The following MPHOSPH9 variants were observed in gnomAD, a reference collection of about 807,000 sequenced individuals.
MPHOSPH9 encodes M-phase phosphoprotein 9.
A neutral mutation model predicts 145.5 loss-of-function variants in MPHOSPH9; 88 were observed. That is an observed-to-expected ratio of 0.60 (90% CI 0.51 to 0.72). The LOEUF is 0.72. Ranked by LOEUF, MPHOSPH9 falls within the 30% of genes least tolerant of loss-of-function variation. The pLI is 0.00. For synonymous variants in MPHOSPH9, 435 were observed against 486.2 expected (o/e 0.89, Z 1.39); for missense variants, 1,238 against 1,386.6 (o/e 0.89, Z 1.70).
chr12:123,200,895 G>A (rs1281051114), intron 11 of MPHOSPH9, among the ~76,000 whole-genome samples: 1 of 152,008 alleles, frequency 6.6e-6, no homozygotes, highest in Non-Finnish European at 1.5e-5. Flanking sequence ...CTAACCTCTA[G>A]TGATCTGCCT....
chr12:123,156,730 AAT>A lies in MPHOSPH9; in HGVS notation c.*75_*76del. ...GTTTGAAGGCTTATAAACAGTACAAAATAGTTTGCCTTTTCTGACTGCATAAT... is the reference window on the plus strand; with the variant it reads ...GTTTGAAGGCTTATAAACAGTACAAAAGTTTGCCTTTTCTGACTGCATAAT... On this transcript the variant is annotated 3_prime_UTR_variant, in exon 24 of 24. Transcript: ENST00000606320. The A allele has an allele frequency of 8.8e-7, 1 of 1,137,388 alleles. No homozygotes were observed. Among genetic ancestry groups the A allele is most frequent in the East Asian group, 2.4e-5 (1 of 41,392 alleles). The allele number at this position is 1,137,388 out of a possible 1,614,324, so 70.5% of individuals were successfully genotyped here.
At position 123,202,710 on chromosome 12, in the gene MPHOSPH9, G is replaced by A. The variant is rs1468571971; in HGVS notation, c.1695C>T (p.Val565=). The change falls in exon 10 of 24, where the codon GTC becomes GTT. Residue 565 remains valine (V), a synonymous_variant. Coordinates refer to ENST00000606320, the MANE Select transcript of MPHOSPH9 (RefSeq NM_022782.4). ...CTGTACCTGGAAGCTGGGACTGACT[G>A]ACTGAGGCCGAAGCAACCATGACAG... ...ENTVMVASAS[V]SQSQLPGTAN... 1 of 1,614,198 alleles carries A rather than the reference G, an allele frequency of 6.2e-7. No individual in the cohort carries two copies. Among genetic ancestry groups the A allele is most frequent in the South Asian group, 1.1e-5 (1 of 91,078 alleles).
At chr12:123,152,694 T>C (rs1232482138), downstream of MPHOSPH9, 9 of 415,942 alleles carry the variant, frequency 2.2e-5, no homozygotes, top group African/African-American at 4.1e-5. Flanking sequence ...ACTGGGGTAG[T>C]AGTTTATTAT....
intron 19 of MPHOSPH9, 118 bp from the exon 20 acceptor site, chr12:123,163,252 TGA>T: frequency 8.8e-7 from 1 of 1,136,398 alleles, no homozygotes; most frequent in African/African-American, 1.6e-5. Context: ...CGTAAAACTT[TGA>T]GAGAGAAATA....
chr12:123,228,199 G>A (rs1306272656), intron 2 of MPHOSPH9, among the ~76,000 whole-genome samples: 1 of 151,974 alleles, frequency 6.6e-6, no homozygotes, highest in Admixed American at 6.6e-5. Context: ...CAAACTTCAG[G>A]TAAGTTATTT....
chr12:123,241,148 T>TG (rs575565493), intron 1 of MPHOSPH9, among the ~76,000 whole-genome samples: 2 of 43,276 alleles, frequency 4.6e-5, no homozygotes, highest in East Asian at 4.3e-4. Context: ...GTTGTTTTTT[T>TG]TTTGTTTTTG....
chr12:123,163,824 C>A, intron 19 of MPHOSPH9, 126 bp downstream of exon 19: 1 of 1,096,864 alleles, frequency 9.1e-7, no homozygotes, highest in South Asian at 1.6e-5. Flanking sequence ...GGGTCCTCTG[C>A]TCAGAGTACT....
intron 13 of MPHOSPH9, among the ~76,000 whole-genome samples, chr12:123,182,765 T>C (rs1214727897): frequency 7.2e-6 from 1 of 138,846 alleles, no homozygotes; most frequent in Non-Finnish European, 1.5e-5. Context: ...TACAAAAAAA[T>C]TAGCTGGGTG....
At chr12:123,166,580 A>C in intron 17 of MPHOSPH9, 75 bp downstream of exon 17, 2 of 1,547,246 alleles carry the variant, frequency 1.3e-6, no homozygotes, top group South Asian at 1.2e-5. Context: ...AGGGCTTCCC[A>C]AACTTTTAAA....
intron 11 of MPHOSPH9, among the ~76,000 whole-genome samples, chr12:123,198,779 C>T (rs1188802658): frequency 7.6e-6 from 1 of 132,206 alleles, no homozygotes; most frequent in African/African-American, 3.1e-5. Context: ...CACTGCACTC[C>T]AGCCTGAGTG....
chr12:123,219,132 T>C (rs2047092451), intron 5 of MPHOSPH9, among the ~76,000 whole-genome samples: 1 of 151,832 alleles, frequency 6.6e-6, no homozygotes, highest in African/African-American at 2.4e-5. Flanking sequence ...CTCGAACTCC[T>C]GGGCTCAAGT....
In MPHOSPH9 at chr12:123,176,707, C is replaced by A. The variant is rs150918445; in HGVS notation, c.2437G>T (p.Val813Leu). The A allele has an allele frequency of 1.9e-6, 3 of 1,613,456 alleles. No homozygotes were observed. In the African/African-American group the frequency reaches 4.0e-5, roughly 22 times the overall value. ...LSLRHNSRIH[V>L]RPSRANTLAT... ...ACTTACTTGGCACGCGAGGGTCTCA[C>A]GTGAATTCTAGAATTATGACGAAGG... Residue 813 changes from valine to leucine, a missense_variant, in exon 16 of 24, where the codon GTG (valine) becomes TTG (leucine). By Grantham distance (32) the Val-to-Leu change is conservative (BLOSUM62 1). Around this residue, in one of 3 missense-constraint regions of MPHOSPH9, gnomAD observed 393 missense variants for 462.5 expected, o/e 0.85. Coordinates refer to ENST00000606320, the MANE Select transcript of MPHOSPH9 (RefSeq NM_022782.4).
Position 123,194,544 on chromosome 12 carries a change from G to T in MPHOSPH9, c.2083C>A (p.Arg695=). The part of the protein sequence containing the change: ...ASSASKILQE[R]IEEMRTSSKE... ...CTGCTTGTTCTCATTTCTTCAATTC[G>T]TTCCTGCAAAATTTTGGAAGCACTG... The change falls in exon 13 of 24, where the codon CGA becomes AGA. Residue 695 remains arginine, a synonymous_variant. Transcript: ENST00000606320. The T allele has an allele frequency of 6.2e-7, 1 of 1,612,014 alleles. No homozygotes were observed.
intron 11 of MPHOSPH9, among the ~76,000 whole-genome samples, chr12:123,200,022 G>A (rs2046151720): frequency 1.3e-5 from 2 of 152,090 alleles, no homozygotes; most frequent in Non-Finnish European, 2.9e-5. Flanking sequence ...AAATAATCAA[G>A]TGTGTGTTAA....
chr12:123,226,424 A>G, intron 3 of MPHOSPH9: 1 of 539,810 alleles, frequency 1.9e-6, no homozygotes, highest in Non-Finnish European at 2.6e-6. Context: ...CTTTCTAAGA[A>G]TTAATAATGG....
intron 6 of MPHOSPH9, among the ~76,000 whole-genome samples, chr12:123,216,810 G>A (rs578173251): frequency 2.7e-4 from 41 of 152,080 alleles, no homozygotes; most frequent in African/African-American, 9.2e-4. Flanking sequence ...CCAACATGGC[G>A]AGACCCCATC....
chr12:123,165,004 T>C (rs1294422302), intron 18 of MPHOSPH9, among the ~76,000 whole-genome samples: 1 of 103,382 alleles, frequency 9.7e-6, no homozygotes, highest in Non-Finnish European at 1.8e-5. Flanking sequence ...TGAGACTCTG[T>C]CTCACTGTCT....
chr12:123,152,497 C>T (rs1350633089), downstream of MPHOSPH9: 3 of 448,856 alleles, frequency 6.7e-6, no homozygotes, highest in Non-Finnish European at 9.0e-6. Flanking sequence ...CTCACATTAT[C>T]GGTCACTGTT....
chr12:123,199,823 T>G (rs1294799708), intron 11 of MPHOSPH9, among the ~76,000 whole-genome samples: 3 of 151,630 alleles, frequency 2.0e-5, no homozygotes, highest in African/African-American at 7.3e-5. Context: ...AAAAAAAGAT[T>G]ATCATTGATC....
Sources: allele counts gnomAD v4.1 joint callset (sites outside exome capture counted in the v4.1 genomes callset), GRCh38; gene constraint gnomAD v4.1.1; regional missense constraint gnomAD v4.1.1; transcripts MANE v1.5; gene names NCBI Gene and HGNC (gene_info 2026-07-23, HGNC 2026-07-21).